Variants in THSD7B observed in about 807,000 individuals in gnomAD.
THSD7B encodes thrombospondin type-1 domain-containing protein 7B.
In THSD7B, 138 loss-of-function variants were observed where a neutral mutation model predicts 213.6. The observed-to-expected ratio is 0.65, with a 90% confidence interval of 0.56 to 0.74. The LOEUF (loss-of-function observed/expected upper bound fraction) is 0.74. THSD7B is among the 30% of genes least tolerant of loss of function. The pLI, the probability that THSD7B is intolerant of heterozygous loss-of-function variation, is 0.00. For synonymous variants in THSD7B, 742 were observed against 687.0 expected, an observed-to-expected ratio of 1.08 and a Z score of -1.25; for missense variants, 1,931 against 1,991.5, an observed-to-expected ratio of 0.97 and a Z score of 0.58.
chr2:137,393,531 G>C (rs1012729184), intron 12 of THSD7B, among the ~76,000 whole-genome samples: 1 of 148,772 alleles, frequency 6.7e-6, no homozygotes. Context: ...TGGTGTATAT[G>C]TGCCACATTT....
chr2:137,092,316 G>C (rs916705542), intron 3 of THSD7B, among the ~76,000 whole-genome samples: 1 of 152,082 alleles, frequency 6.6e-6, no homozygotes, highest in Non-Finnish European at 1.5e-5. Context: ...AGGAGACTGA[G>C]GTGGGAGGAT....
At chr2:137,067,090 C>T (rs1199145902) in intron 3 of THSD7B, among the ~76,000 whole-genome samples, 1 of 152,146 alleles carries the variant, frequency 6.6e-6, no homozygotes, top group Non-Finnish European at 1.5e-5. Context: ...TGTTCTTGCA[C>T]ATTGTCTACT....
At chr2:136,862,187 G>A (rs1212881923) in intron 1 of THSD7B, among the ~76,000 whole-genome samples, 1 of 152,156 alleles carries the variant, frequency 6.6e-6, no homozygotes, top group Non-Finnish European at 1.5e-5. Flanking sequence ...GATACCAGGA[G>A]GTGAGGATCA....
At chr2:137,104,885 A>G (rs778825686) in intron 4 of THSD7B, among the ~76,000 whole-genome samples, 2 of 152,214 alleles carry the variant, frequency 1.3e-5, no homozygotes, top group Non-Finnish European at 2.9e-5. Context: ...GAATAGACCA[A>G]TGACAAGTTC....
At chr2:136,900,514 A>G (rs1040964221) in intron 2 of THSD7B, among the ~76,000 whole-genome samples, 1 of 152,136 alleles carries the variant, frequency 6.6e-6, no homozygotes, top group Non-Finnish European at 1.5e-5. Context: ...TGAAAAAAAC[A>G]GTTTCAACAT....
In THSD7B at chr2:137,160,197, T is replaced by C; in HGVS notation, c.1370-16T>C. ...CCAGAGAATGTGACATGGTCCGTTA[T>C]CTTTTTGTCCCTCAGTCTCTAGACC... is the stretch of plus-strand genomic sequence containing the variant. On this transcript the variant is annotated splice_polypyrimidine_tract_variant and intron_variant, in intron 5 of 27. Coordinates refer to ENST00000409968, the MANE Select transcript of THSD7B (RefSeq NM_001316349.2). 1 of 1,606,182 alleles carries C rather than the reference T, an allele frequency of 6.2e-7. No homozygotes were observed. Among genetic ancestry groups the C allele is most frequent in the Non-Finnish European group, 8.5e-7 (1 of 1,176,340 alleles).
At chr2:136,866,273 AT>A (rs35886315) in intron 1 of THSD7B, among the ~76,000 whole-genome samples, 31,726 of 151,776 alleles carry the variant, frequency 0.21, 4,423 homozygotes, top group Non-Finnish European at 0.31. Context: ...AAGTTTATGA[AT>A]TTTTTTTCTT....
intron 4 of THSD7B, among the ~76,000 whole-genome samples, chr2:137,096,458 A>G (rs1336616682): frequency 6.6e-6 from 1 of 152,128 alleles, no homozygotes; most frequent in South Asian, 2.1e-4. Context: ...CCCACTTCCC[A>G]GTTGGAACTA....
intron 1 of THSD7B, among the ~76,000 whole-genome samples, chr2:136,775,165 A>C (rs1204860592): frequency 2.0e-5 from 3 of 152,084 alleles, no homozygotes; most frequent in South Asian, 2.1e-4. Flanking sequence ...AAGGCATCTT[A>C]CTCATTTTTG....
chr2:137,560,485 T>C (rs2105220300), intron 15 of THSD7B, among the ~76,000 whole-genome samples: 1 of 152,172 alleles, frequency 6.6e-6, no homozygotes, highest in Admixed American at 6.5e-5. Context: ...CACCACATGT[T>C]CTCACTCATA....
At chr2:137,623,960 C>A (rs1682571737) in intron 20 of THSD7B, among the ~76,000 whole-genome samples, 1 of 152,166 alleles carries the variant, frequency 6.6e-6, no homozygotes, top group African/African-American at 2.4e-5. Context: ...ACTTTCTTCA[C>A]AGAATTGGAA....
chr2:137,047,661 C>T (rs1558899182), intron 2 of THSD7B, among the ~76,000 whole-genome samples: 1 of 152,162 alleles, frequency 6.6e-6, no homozygotes, highest in African/African-American at 2.4e-5. Context: ...CGGCTGGCAT[C>T]ATCTCAACAA....
chr2:137,265,630 CA>C (rs1489792265), intron 10 of THSD7B, among the ~76,000 whole-genome samples: 1 of 152,174 alleles, frequency 6.6e-6, no homozygotes, highest in African/African-American at 2.4e-5. Context: ...TAAAAAGGTC[CA>C]GTGATCCTGT....
intron 15 of THSD7B, among the ~76,000 whole-genome samples, chr2:137,479,025 T>G (rs537347782): frequency 5.9e-5 from 9 of 152,242 alleles, no homozygotes; most frequent in African/African-American, 2.2e-4. Context: ...CAGGCTTATA[T>G]TTGGGCGTCC....
At chr2:137,181,520 C>G (rs1386680728) in intron 7 of THSD7B, among the ~76,000 whole-genome samples, 1 of 152,100 alleles carries the variant, frequency 6.6e-6, no homozygotes, top group Non-Finnish European at 1.5e-5. Context: ...AATACATGTT[C>G]CATTATAGCT....
intron 4 of THSD7B, among the ~76,000 whole-genome samples, chr2:137,110,287 T>C (rs75021896): frequency 0.022 from 3,313 of 152,304 alleles, 133 homozygotes; most frequent in African/African-American, 0.074. Flanking sequence ...AATTACTTGT[T>C]GAAAGAAAGG....
At chr2:137,481,046 C>T (rs1688295684) in intron 15 of THSD7B, among the ~76,000 whole-genome samples, 2 of 152,136 alleles carry the variant, frequency 1.3e-5, no homozygotes, top group South Asian at 2.1e-4. Context: ...GCATTTGTCC[C>T]CTCTGGAGAA....
chr2:137,578,225 A>G (rs1681501696), intron 17 of THSD7B, among the ~76,000 whole-genome samples: 1 of 152,174 alleles, frequency 6.6e-6, no homozygotes, highest in Non-Finnish European at 1.5e-5. Flanking sequence ...AGGTACAGGA[A>G]GTTGAAATTT....
At chr2:137,195,854 A>G (rs749645409) in intron 7 of THSD7B, among the ~76,000 whole-genome samples, 1 of 152,198 alleles carries the variant, frequency 6.6e-6, no homozygotes, top group Non-Finnish European at 1.5e-5. Context: ...TATTTACATC[A>G]TCTGAAACTA....
Sources: allele counts gnomAD v4.1 joint callset (sites outside exome capture counted in the v4.1 genomes callset), GRCh38; gene constraint gnomAD v4.1.1; transcripts MANE v1.5; gene names NCBI Gene and HGNC (gene_info 2026-07-23, HGNC 2026-07-21).